Variants in DGKH observed in about 807,000 individuals in gnomAD.
DGKH encodes DAG kinase eta.
DGKH carries 90 observed loss-of-function variants against 159.3 expected under a neutral mutation model. That is an observed-to-expected ratio of 0.57 (90% CI 0.48 to 0.67). The LOEUF is 0.67. Ranked by LOEUF, DGKH falls within the 30% of genes least tolerant of loss-of-function variation. The pLI is 0.00. For missense variants in DGKH, 1,181 were observed against 1,506.1 expected, an observed-to-expected ratio of 0.78 and a Z score of 3.57; for synonymous variants, 536 against 553.8, an observed-to-expected ratio of 0.97 and a Z score of 0.45.
At chr13:42,222,621 C>A (rs1043739549) in intron 29 of DGKH, among the ~76,000 whole-genome samples, 2 of 152,086 alleles carry the variant, frequency 1.3e-5, no homozygotes, top group African/African-American at 4.8e-5. Flanking sequence ...ATCATGATAT[C>A]CAACATGTTT....
chr13:42,207,015 C>CTTTCTTTCTTTCTT (rs1957498260), intron 21 of DGKH, among the ~76,000 whole-genome samples: 7 of 143,574 alleles, frequency 4.9e-5, no homozygotes, highest in Admixed American at 1.4e-4. Flanking sequence ...TTCTTTCTTT[C>CTTTCTTTCTTTCTT]TTTCTTTCTT....
intron 1 of DGKH, among the ~76,000 whole-genome samples, chr13:42,105,274 T>C (rs1204021359): frequency 2.6e-5 from 4 of 151,590 alleles, no homozygotes; most frequent in Admixed American, 2.6e-4. Flanking sequence ...AGAGAGGAAA[T>C]GAGAGCAAGT....
chr13:42,132,452 G>A (rs573291159), intron 3 of DGKH, among the ~76,000 whole-genome samples: 5 of 152,194 alleles, frequency 3.3e-5, no homozygotes, highest in Non-Finnish European at 7.3e-5. Flanking sequence ...TTTGAAGCAT[G>A]CATTAATTTC....
chr13:42,227,622 TA>T (rs1337524943), intron 29 of DGKH, among the ~76,000 whole-genome samples: 6 of 152,238 alleles, frequency 3.9e-5, no homozygotes, highest in Admixed American at 3.3e-4. Context: ...TCAGGAAATG[TA>T]TAGTTGCCTT....
At chr13:42,138,678 A>G (rs1031367192) in intron 3 of DGKH, among the ~76,000 whole-genome samples, 1 of 152,170 alleles carries the variant, frequency 6.6e-6, no homozygotes, top group African/African-American at 2.4e-5. Flanking sequence ...TCATTGAAAT[A>G]TTTATGTAAT....
chr13:42,160,227 A>G (rs1206109169), intron 7 of DGKH, 91 bp downstream of exon 7: 17 of 1,566,408 alleles, frequency 1.1e-5, no homozygotes, highest in Non-Finnish European at 1.2e-5. Context: ...CAAAGAATTT[A>G]TGACAGAGCT....
In DGKH at chr13:42,070,337, G is replaced by A. The variant is rs571699640; in HGVS notation, c.192+21372G>A. ...AGAAGCTCCTGACGATCTTCCTCATGTGCAACAGGAATAGATTCTAAAGTC... is the reference window on the plus strand; with the variant it reads ...AGAAGCTCCTGACGATCTTCCTCATATGCAACAGGAATAGATTCTAAAGTC... On this transcript the variant is annotated intron_variant, in intron 1 of 29. Coordinates refer to ENST00000337343, the MANE Select transcript of DGKH (RefSeq NM_178009.5). The A allele has an allele frequency of 1.2e-5, 17 of 1,400,078 alleles. No individual in the cohort carries two copies. In the African/African-American group the frequency reaches 1.7e-4, roughly 14 times the overall value. The allele number at this position is 1,400,078 out of a possible 1,614,324, so 86.7% of individuals were successfully genotyped here.
At chr13:42,197,272 A>G (rs1957226219) in intron 17 of DGKH, among the ~76,000 whole-genome samples, 1 of 95,020 alleles carries the variant, frequency 1.1e-5, no homozygotes, top group African/African-American at 2.9e-5. Context: ...AAAAAAAAAG[A>G]AAGAAAATAT....
chr13:42,218,347 A>G (rs1957861200), intron 26 of DGKH, among the ~76,000 whole-genome samples: 1 of 152,034 alleles, frequency 6.6e-6, no homozygotes, highest in Admixed American at 6.6e-5. Context: ...CTTTGCCCTA[A>G]TTTTTACAAC....
At chr13:42,042,097 T>TA (rs1213709026) in intron 1 of DGKH, among the ~76,000 whole-genome samples, 1 of 152,252 alleles carries the variant, frequency 6.6e-6, no homozygotes. Context: ...GCAGCTGTCT[T>TA]TGCTTTCGTG....
intron 16 of DGKH, among the ~76,000 whole-genome samples, chr13:42,194,075 A>G (rs1348223747): frequency 6.6e-6 from 1 of 152,196 alleles, no homozygotes; most frequent in Non-Finnish European, 1.5e-5. Flanking sequence ...CATTTTGAAT[A>G]AATAATTGAG....
At chr13:42,120,815 T>G (rs1188532204) in intron 1 of DGKH, among the ~76,000 whole-genome samples, 5 of 152,198 alleles carry the variant, frequency 3.3e-5, no homozygotes, top group Non-Finnish European at 7.3e-5. Context: ...AGTGTGTATA[T>G]TGTGTGTGTA....
intron 29 of DGKH, 134 bp downstream of exon 29, chr13:42,221,528 C>A: frequency 1.7e-6 from 2 of 1,169,434 alleles, no homozygotes; most frequent in East Asian, 2.6e-5. Flanking sequence ...ATTCACTGTC[C>A]TGTGGTCTGA....
intron 11 of DGKH, among the ~76,000 whole-genome samples, chr13:42,173,494 A>G (rs1419675978): frequency 3.3e-5 from 5 of 152,218 alleles, no homozygotes; most frequent in African/African-American, 1.2e-4. Context: ...TCTCATGCTT[A>G]CATTCATTAT....
chr13:42,051,258 C>A (rs908964813), intron 1 of DGKH, among the ~76,000 whole-genome samples: 3 of 152,290 alleles, frequency 2.0e-5, no homozygotes, highest in African/African-American at 4.8e-5. Context: ...CAGCATTTTA[C>A]AATTTCTCCT....
chr13:42,171,281 T>C (rs963880316), intron 11 of DGKH, among the ~76,000 whole-genome samples: 6 of 152,212 alleles, frequency 3.9e-5, no homozygotes, highest in Non-Finnish European at 7.3e-5. Context: ...TAATAAGTAA[T>C]AGAACGGGCA....
chr13:42,122,017 C>T lies in DGKH; in HGVS notation c.193-5446C>T, dbSNP rs1258669198. Among the ~76,000 whole-genome samples the T allele has an allele frequency of 3.9e-5, 6 of 152,082 alleles. No individual in the cohort carries two copies. In the East Asian group the frequency reaches 1.2e-3, roughly 29 times the overall value. ...AAGTCAGACTTTTCTTTCTGAGGTG[C>T]GGCATGAAAAATTTTCCCCACTACC... On this transcript the variant is annotated intron_variant, in intron 1 of 29. Transcript: ENST00000337343.
chr13:42,122,563 TTCATGCAGGCAGAGCAC>T (rs1443377496), intron 1 of DGKH, among the ~76,000 whole-genome samples: 1 of 152,184 alleles, frequency 6.6e-6, no homozygotes, highest in Non-Finnish European at 1.5e-5. Flanking sequence ...GATTAATCCA[TTCATGCAGGCAGAGCAC>T]TCATGACCCC....
intron 3 of DGKH, among the ~76,000 whole-genome samples, chr13:42,143,632 G>A (rs1955634510): frequency 6.6e-6 from 1 of 152,146 alleles, no homozygotes; most frequent in Non-Finnish European, 1.5e-5. Flanking sequence ...TCTTGGGAGG[G>A]TGTATGTGTC....
Sources: gnomAD v4.1 joint callset for allele counts (sites outside exome capture counted in the v4.1 genomes callset) on GRCh38, gnomAD v4.1.1 for gene constraint, MANE v1.5 for transcripts, NCBI Gene and HGNC (gene_info 2026-07-23, HGNC 2026-07-21) for gene names.